Variants in ZPR1 observed in about 807,000 individuals in gnomAD.
The protein encoded by ZPR1 is zinc finger protein ZPR1.
Under a neutral mutation model 59.6 loss-of-function variants are expected in ZPR1, and 37 were observed. That is an observed-to-expected ratio of 0.62 (90% confidence interval 0.48 to 0.82). ZPR1 has a LOEUF of 0.82. Ranked by LOEUF, ZPR1 falls within the 40% of genes least tolerant of loss-of-function variation. The pLI is 0.00. For synonymous variants in ZPR1, 191 were observed against 215.2 expected (o/e 0.89, Z 0.99); for missense variants, 527 against 579.9 (o/e 0.91, Z 0.94).
rs540711685 is a variant in ZPR1, at chr11:116,774,230, G to A, written c.*4695C>T. 2 of 152,088 alleles carry A rather than the reference G, an allele frequency of 1.3e-5. No individual in the cohort carries two copies. The highest frequency in any genetic ancestry group is 2.1e-4 in the South Asian group (1 of 4,814). The allele number at this position is 152,088 out of a possible 1,614,324, so 9.4% of individuals were successfully genotyped here. A position where few individuals can be genotyped will look rare whatever the true frequency, so the allele number is the denominator to read the frequency against. On this transcript the variant is annotated 3_prime_UTR_variant, in exon 14 of 14. Transcript: ENST00000227322. ...ATTTATGTAGTAGTTCGGTGGGGGG[G>A]CACTTAAGCAAATTTGTCTTAGCAA...
intron 2 of ZPR1, 153 bp downstream of exon 2, chr11:116,787,329 C>T: frequency 1.3e-6 from 1 of 792,604 alleles, no homozygotes. Flanking sequence ...CTCACTTGAG[C>T]TGATGACAAC....
chr11:116,784,239 C>T, intron 9 of ZPR1, 139 bp downstream of exon 9: 4 of 766,674 alleles, frequency 5.2e-6, no homozygotes, highest in Non-Finnish European at 8.8e-6. Flanking sequence ...GGGCTCATCA[C>T]CCTGCACTAG....
Position 116,785,801 on chromosome 11 carries a change from T to C in ZPR1, c.577A>G (p.Thr193Ala), listed in dbSNP as rs1940877790. ...TCCAGCCTCTCAATACTCACCAGAG[T>C]GAAAGGGGAGGCTACTTGCTTTAGC... ...KELKQVASPF[T>A]LIIDDPSGNS... is the part of the protein sequence containing the mutation. Residue 193 changes from threonine (T) to alanine (A), a missense_variant, in exon 5 of 14, where the codon ACT becomes GCT. By Grantham distance (58) the Thr-to-Ala change is moderately conservative. Coordinates refer to ENST00000227322, the MANE Select transcript of ZPR1 (RefSeq NM_003904.5). 6.2e-7 allele frequency: 1 copy of C among 1,613,764 alleles called. No homozygotes were observed. Among genetic ancestry groups the C allele is most frequent in the Admixed American group, 1.7e-5 (1 of 59,984 alleles).
At chr11:116,787,264 A>G (rs2134198966) in intron 2 of ZPR1, 1 of 661,492 alleles carries the variant, frequency 1.5e-6, no homozygotes, top group East Asian at 2.7e-5. Flanking sequence ...CATAACAACT[A>G]CTGCTCATTT....
rs1940686321 is a variant in ZPR1 at position 116,773,947 on chromosome 11, C to T, written c.*4978G>A. ...GCGTGGCAAGATTAAGGAAGTTGCTCAACTTCACATAGTCAGAACATGACT... is the reference window on the plus strand; with the variant it reads ...GCGTGGCAAGATTAAGGAAGTTGCTTAACTTCACATAGTCAGAACATGACT... On this transcript the variant is annotated 3_prime_UTR_variant, in exon 14 of 14. Transcript: ENST00000227322. 6.6e-6 allele frequency: 1 copy of T among 152,172 alleles called. No individual in the cohort carries two copies. The highest frequency in any genetic ancestry group is 1.5e-5 in the Non-Finnish European group (1 of 68,046). 9.4% of individuals were successfully genotyped at this position (152,172 alleles called of 1,614,324 possible). A position where few individuals can be genotyped will look rare whatever the true frequency, so the allele number is the denominator to read the frequency against.
At chr11:116,785,284 C>T (rs1193947950) in intron 6 of ZPR1, 138 bp from the exon 7 acceptor site, 1 of 1,128,418 alleles carries the variant, frequency 8.9e-7, no homozygotes, top group Non-Finnish European at 1.3e-6. Flanking sequence ...AGAGAAACCA[C>T]AAAGTAAAGC....
At chr11:116,783,859 T>G (rs569955763) in intron 9 of ZPR1, among the ~76,000 whole-genome samples, 1 of 118,278 alleles carries the variant, frequency 8.5e-6, no homozygotes, top group Admixed American at 8.4e-5. Flanking sequence ...TGAATTTACC[T>G]TAAAAAAAAA....
rs1030057180 is a variant in ZPR1 at position 116,775,788 on chromosome 11, A to G, written c.*3137T>C. 1.8e-5 allele frequency: 3 copies of G among 166,936 alleles called. No individual in the cohort carries two copies. In the Admixed American group the frequency reaches 2.0e-4, roughly 11 times the overall value. 10.3% of individuals were successfully genotyped at this position (166,936 alleles called of 1,614,324 possible). A position where few individuals can be genotyped will look rare whatever the true frequency, so the allele number is the denominator to read the frequency against. ...GAAAACAAGCATTGGAAGTGCCAATACTAAACTGAGGTGAACGCACAAAAT... is the reference window on the plus strand; with the variant it reads ...GAAAACAAGCATTGGAAGTGCCAATGCTAAACTGAGGTGAACGCACAAAAT... On this transcript the variant is annotated 3_prime_UTR_variant, in exon 14 of 14. Coordinates refer to ENST00000227322, the MANE Select transcript of ZPR1 (RefSeq NM_003904.5).
chr11:116,783,860 TAAAAAA>T (rs11355367), intron 9 of ZPR1, among the ~76,000 whole-genome samples: 1 of 126,422 alleles, frequency 7.9e-6, no homozygotes, highest in Non-Finnish European at 1.7e-5. Context: ...GAATTTACCT[TAAAAAA>T]AAAAAAAAAA....
chr11:116,787,790 C>A, intron 1 of ZPR1, 30 bp downstream of exon 1: 1 of 1,536,306 alleles, frequency 6.5e-7, no homozygotes, highest in Non-Finnish European at 8.8e-7. Context: ...CCCTACCCAC[C>A]CGCCGCTCGC....
At chr11:116,784,129 C>T (rs1940851312) in intron 9 of ZPR1, among the ~76,000 whole-genome samples, 1 of 152,114 alleles carries the variant, frequency 6.6e-6, no homozygotes, top group African/African-American at 2.4e-5. Context: ...AGGAGTGGGT[C>T]AAAAGACTTC....
rs1450370670 is a variant in ZPR1 at position 116,785,820 on chromosome 11, C to T, written c.558G>A (p.Lys186=). The T allele has an allele frequency of 1.9e-6, 3 of 1,614,106 alleles. No homozygotes were observed. Among genetic ancestry groups the T allele is most frequent in the Non-Finnish European group, 2.5e-6 (3 of 1,180,038 alleles). ...DEFIVKLKEL[K]QVASPFTLII... ...CCAGAGTGAAAGGGGAGGCTACTTG[C>T]TTTAGCTCCTTCAGTTTGACAATGA... is the stretch of plus-strand genomic sequence containing the variant. The change falls in exon 5 of 14, where the codon AAG becomes AAA. Residue 186 remains lysine (K), a synonymous_variant. Coordinates refer to ENST00000227322, the MANE Select transcript of ZPR1 (RefSeq NM_003904.5).
chr11:116,783,944 T>C (rs1940848455), intron 9 of ZPR1, among the ~76,000 whole-genome samples: 1 of 151,916 alleles, frequency 6.6e-6, no homozygotes, highest in African/African-American at 2.4e-5. Context: ...CTGCATCCAA[T>C]GTGTGGGTCT....
chr11:116,779,860 CA>C, intron 12 of ZPR1, 23 bp from the exon 13 acceptor site: 3 of 1,391,930 alleles, frequency 2.2e-6, no homozygotes, highest in Non-Finnish European at 2.9e-6. Flanking sequence ...GAGAACACAG[CA>C]AGTAAATTTT....
Position 116,787,561 on chromosome 11 carries a change from C to A in ZPR1, c.254G>T (p.Trp85Leu). 6.2e-7 allele frequency: 1 copy of A among 1,614,220 alleles called. No individual in the cohort carries two copies. Among genetic ancestry groups the A allele is most frequent in the South Asian group, 1.1e-5 (1 of 91,086 alleles). ...TGCCGACTGGATCTCCGTGTTGTTC[C>A]AGCCACAGTGCTCGCAGGAAAAGGA... ...VSSFSCEHCGWNNTEIQSAGR... is the reference protein window; with the variant it reads ...VSSFSCEHCGLNNTEIQSAGR... Residue 85 changes from tryptophan (W) to leucine (L), a missense_variant, in exon 2 of 14, where the codon TGG becomes TTG. Coordinates refer to ENST00000227322, the MANE Select transcript of ZPR1 (RefSeq NM_003904.5).
chr11:116,782,183 T>G lies in ZPR1; in HGVS notation c.1154A>C (p.Gln385Pro), dbSNP rs534277616. Residue 385 changes from glutamine to proline, a missense_variant, in exon 12 of 14, where the codon CAG (glutamine) becomes CCG (proline). Physicochemically the swap from Gln to Pro is moderately conservative, Grantham distance 76 (BLOSUM62 -1). Coordinates refer to ENST00000227322, the MANE Select transcript of ZPR1 (RefSeq NM_003904.5). Reference protein sequence around the residue: ...SSNPGQTERLQEFSQKMDQII... With the variant: ...SSNPGQTERLPEFSQKMDQII... Reference sequence around the variant, plus strand: ...CTGGTCCATCTTCTGGCTAAACTCCTGTAGTCTCTCCGTCTGTCCAGGATT... The same window carrying G: ...CTGGTCCATCTTCTGGCTAAACTCCGGTAGTCTCTCCGTCTGTCCAGGATT... The G allele has an allele frequency of 6.2e-7, 1 of 1,614,214 alleles. No individual in the cohort carries two copies. Among genetic ancestry groups the G allele is most frequent in the Non-Finnish European group, 8.5e-7 (1 of 1,180,036 alleles).
Position 116,778,797 on chromosome 11 carries a change from C to G in ZPR1, c.*128G>C. ...AGTGTGCACAGATCTCTGACTCAGA[C>G]CAGATGTCCTCCCCACCATGGGCAA... On this transcript the variant is annotated 3_prime_UTR_variant, in exon 14 of 14. Coordinates refer to ENST00000227322, the MANE Select transcript of ZPR1 (RefSeq NM_003904.5). The G allele has an allele frequency of 8.3e-7, 1 of 1,198,708 alleles. No homozygotes were observed. The highest frequency in any genetic ancestry group is 1.1e-6 in the Non-Finnish European group (1 of 870,902). The allele number at this position is 1,198,708 out of a possible 1,614,324, so 74.3% of individuals were successfully genotyped here. A position where few individuals can be genotyped will look rare whatever the true frequency, so the allele number is the denominator to read the frequency against.
At chr11:116,779,460 A>T (rs1940771606) in intron 13 of ZPR1, among the ~76,000 whole-genome samples, 1 of 152,148 alleles carries the variant, frequency 6.6e-6, no homozygotes, top group Non-Finnish European at 1.5e-5. Context: ...TGGCCTCCGG[A>T]CAAGGTACCA....
rs1053558185 is a variant in ZPR1, at chr11:116,776,153, C to T, written c.*2772G>A. 2.0e-5 allele frequency: 3 copies of T among 152,260 alleles called. No homozygotes were observed. The highest frequency in any genetic ancestry group is 4.4e-5 in the Non-Finnish European group (3 of 68,054). The allele number at this position is 152,260 out of a possible 1,614,324, so 9.4% of individuals were successfully genotyped here. ...CCTACCTGTATGTTCGTCCACACGT[C>T]TAATGACCGAACATGGCTGCATTTC... On this transcript the variant is annotated 3_prime_UTR_variant, in exon 14 of 14. Coordinates refer to ENST00000227322, the MANE Select transcript of ZPR1 (RefSeq NM_003904.5).
Sources: allele counts gnomAD v4.1 joint callset (sites outside exome capture counted in the v4.1 genomes callset), GRCh38; gene constraint gnomAD v4.1.1; transcripts MANE v1.5; gene names NCBI Gene and HGNC (gene_info 2026-07-23, HGNC 2026-07-21).